Variants in GATA6 observed in about 807,000 individuals in gnomAD.
GATA6 encodes the protein GATA binding protein 6, also known as transcription factor GATA-6.
GATA6 carries 11 observed loss-of-function variants against 48.1 expected under a neutral mutation model. That is an observed-to-expected ratio of 0.23 (90% CI 0.14 to 0.38). The LOEUF (loss-of-function observed/expected upper bound fraction) is 0.38. Among genes scored for constraint, GATA6 ranks in the 10% least tolerant of loss-of-function variants. GATA6 has a pLI of 1.00. For missense variants in GATA6, 795 were observed against 850.3 expected (o/e 0.93, Z 0.81); for synonymous variants, 419 against 396.1 (o/e 1.06, Z -0.69).
intron 2 of GATA6, among the ~76,000 whole-genome samples, chr18:22,175,235 C>T (rs1462782000): frequency 2.6e-5 from 4 of 152,060 alleles, no homozygotes; most frequent in African/African-American, 7.3e-5. Flanking sequence ...TTTTATTCAA[C>T]TAAAAATAAG....
rs1185811196 is a variant in GATA6, at chr18:22,202,007, G to A, written c.*1184G>A. ...ACAGTGAGTTCCTTCCCTTTTCAAA[G>A]CTTTCTTTTTATGCTGTATGTGACT... On this transcript the variant is annotated 3_prime_UTR_variant, in exon 7 of 7. Transcript: ENST00000269216. 1.3e-5 allele frequency: 2 copies of A among 152,062 alleles called. No individual in the cohort carries two copies. The highest frequency in any genetic ancestry group is 2.9e-5 in the Non-Finnish European group (2 of 68,012). The allele number at this position is 152,062 out of a possible 1,614,324, so 9.4% of individuals were successfully genotyped here. A position where few individuals can be genotyped will look rare whatever the true frequency, so the allele number is the denominator to read the frequency against.
rs926010142 is a variant in GATA6 at position 22,185,939 on chromosome 18, G to C, written c.1620+2896G>C. Among the ~76,000 whole-genome samples the C allele has an allele frequency of 1.3e-5, 2 of 152,296 alleles. No individual in the cohort carries two copies. Among genetic ancestry groups the C allele is most frequent in the South Asian group, 4.1e-4 (2 of 4,820 alleles). The stretch of plus-strand genomic sequence containing the variant: ...GTAGAAGCATTTCTAAAAGGTGCCT[G>C]TGTTGACAAAGGTGTGTCATTTTCC... On this transcript the variant is annotated intron_variant, in intron 6 of 6. Coordinates refer to ENST00000269216, the MANE Select transcript of GATA6 (RefSeq NM_005257.6). The surrounding 1 kb of genome is among the most constrained non-coding windows in gnomAD (Gnocchi z 4.3).
At chr18:22,188,239 GTAAAACAAAGTGCCACATCTGGAATTGTT>G (rs1231382696) in intron 6 of GATA6, among the ~76,000 whole-genome samples, 2 of 152,184 alleles carry the variant, frequency 1.3e-5, no homozygotes, top group African/African-American at 4.8e-5. Context: ...TTCCATTTGA[GTAAAACAAAGTGCCACATCTGGAATTGTT>G]TAAAACATGG....
Position 22,171,324 on chromosome 18 carries a change from C to T in GATA6, c.180C>T (p.Cys60=). Residue 60 remains cysteine, a synonymous_variant, in exon 2 of 7, where the codon TGC becomes TGT. Transcript: ENST00000269216. This position sits in a 1 kb window ranked among gnomAD's most constrained non-coding sequence, Gnocchi z 7.1. The part of the protein sequence containing the change: ...GERGPGGASN[C]GTPQLDTEAA... Reference sequence around the variant, plus strand: ...GGGGCCCCGGCGGCGCCAGCAACTGCGGGACGCCTCAGCTCGACACGGAGG... The same window carrying T: ...GGGGCCCCGGCGGCGCCAGCAACTGTGGGACGCCTCAGCTCGACACGGAGG... The T allele has an allele frequency of 1.3e-6, 2 of 1,587,778 alleles. No individual in the cohort carries two copies. Among genetic ancestry groups the T allele is most frequent in the Non-Finnish European group, 1.7e-6 (2 of 1,173,938 alleles).
chr18:22,198,119 C>G (rs1313036658), intron 6 of GATA6, among the ~76,000 whole-genome samples: 1 of 150,656 alleles, frequency 6.6e-6, no homozygotes, highest in Non-Finnish European at 1.5e-5. Context: ...GGGTCTTGCT[C>G]TGTCCCTTAG....
Position 22,183,050 on chromosome 18 carries a change from A to G in GATA6, c.1620+7A>G, listed in dbSNP as rs3764962. On this transcript the variant is annotated splice_region_variant and intron_variant, in intron 6 of 6. Transcript: ENST00000269216. ...ACAACCTACAGCCTCAGGGGTAAGT[A>G]TTAAAACAGCATAGACTCCTAAATT... The G allele has an allele frequency of 0.048, 76,851 of 1,597,168 alleles. 16,033 individuals carry two copies. The African/African-American group carries it at 0.63, about 13-fold the overall frequency.
chr18:22,197,372 A>G (rs2033404342), intron 6 of GATA6, among the ~76,000 whole-genome samples: 1 of 152,128 alleles, frequency 6.6e-6, no homozygotes, highest in South Asian at 2.1e-4. Context: ...AATTCTTGCA[A>G]TAATCTTATG....
At chr18:22,178,907 G>A (rs1039064153) in intron 3 of GATA6, among the ~76,000 whole-genome samples, 1 of 152,182 alleles carries the variant, frequency 6.6e-6, no homozygotes, top group Non-Finnish European at 1.5e-5. Context: ...ATTGAGCTGA[G>A]TACTAACTGA....
rs753682981 is a variant in GATA6 at position 22,171,662 on chromosome 18, C to T, written c.518C>T (p.Ala173Val). 3 of 1,522,314 alleles carry T rather than the reference C, an allele frequency of 2.0e-6. No homozygotes were observed. Among genetic ancestry groups the T allele is most frequent in the South Asian group, 1.2e-5 (1 of 82,550 alleles). 94.3% of individuals were successfully genotyped at this position (1,522,314 alleles called of 1,614,324 possible). Reference protein sequence around the residue: ...DGAPGGFVHSAAAAAAAAAAA... With the variant: ...DGAPGGFVHSVAAAAAAAAAA... The stretch of plus-strand genomic sequence containing the variant: ...GCGCCCGGCGGCTTCGTGCACTCTG[C>T]GGCCGCGGCGGCAGCAGCCGCGGCG... Residue 173 changes from alanine to valine, a missense_variant, in exon 2 of 7, where the codon GCG (alanine) becomes GTG (valine). Around this residue, in one of 5 missense-constraint regions of GATA6, gnomAD observed 591 missense variants for 570.0 expected, o/e 1.04. Coordinates refer to ENST00000269216, the MANE Select transcript of GATA6 (RefSeq NM_005257.6). The surrounding 1 kb of genome is among the most constrained non-coding windows in gnomAD (Gnocchi z 7.1).
chr18:22,175,472 T>C (rs2033109908), intron 2 of GATA6: 3 of 152,168 alleles, frequency 2.0e-5, no homozygotes, highest in Non-Finnish European at 4.4e-5. Flanking sequence ...AAATACCTTG[T>C]TTAACTTCAG....
chr18:22,182,872 G>C (rs1208713913), intron 5 of GATA6, 28 bp downstream of exon 5: 4 of 1,604,046 alleles, frequency 2.5e-6, no homozygotes, highest in Non-Finnish European at 3.4e-6. Context: ...ACGTTTGACT[G>C]TAAAGTATTT....
At position 22,172,854 on chromosome 18, in the gene GATA6, G is replaced by T. The variant is rs1309137511; in HGVS notation, c.1135+575G>T. Among the ~76,000 whole-genome samples the T allele has an allele frequency of 6.6e-6, 1 of 152,218 alleles. No individual in the cohort carries two copies. Among genetic ancestry groups the T allele is most frequent in the African/African-American group, 2.4e-5 (1 of 41,462 alleles). On this transcript the variant is annotated intron_variant, in intron 2 of 6. Coordinates refer to ENST00000269216, the MANE Select transcript of GATA6 (RefSeq NM_005257.6). The surrounding 1 kb of genome is among the most constrained non-coding windows in gnomAD (Gnocchi z 5.2). ...TAGATGTTCCTAGGGAAGCTAGTTG[G>T]CGTCTCCTCTCCCACAAGGGAGAGA... is the stretch of plus-strand genomic sequence containing the variant.
intron 2 of GATA6, among the ~76,000 whole-genome samples, chr18:22,175,122 T>C (rs1187795689): frequency 6.6e-6 from 1 of 152,180 alleles, no homozygotes; most frequent in Non-Finnish European, 1.5e-5. Context: ...TTTTATATCT[T>C]ACAGCTTTTA....
In GATA6 at chr18:22,171,544, G is replaced by A. The variant is rs775539340; in HGVS notation, c.400G>A (p.Ala134Thr). The A allele has an allele frequency of 1.2e-5, 20 of 1,603,888 alleles. No individual in the cohort carries two copies. In the Admixed American group the frequency reaches 2.2e-4, roughly 17 times the overall value. The part of the protein sequence containing the change: ...ASKLLWSSRG[A>T]KLSPFAPEQP... ...CAAGCTGCTGTGGTCCAGCCGCGGC[G>A]CCAAGCTGAGCCCCTTCGCACCCGA... The change falls in exon 2 of 7, where the codon GCC becomes ACC. Residue 134 changes from alanine (A) to threonine (T), a missense_variant. This residue lies in a region of GATA6 where 591 missense variants were observed against 570.0 expected (regional missense o/e 1.04). Coordinates refer to ENST00000269216, the MANE Select transcript of GATA6 (RefSeq NM_005257.6). The surrounding 1 kb of genome is among the most constrained non-coding windows in gnomAD (Gnocchi z 7.1).
At chr18:22,187,545 CT>C (rs991526472) in intron 6 of GATA6, among the ~76,000 whole-genome samples, 9 of 151,566 alleles carry the variant, frequency 5.9e-5, no homozygotes, top group Non-Finnish European at 1.3e-4. Context: ...ATACTAAAAT[CT>C]TTTTTTTCTT....
At position 22,171,135 on chromosome 18, in the gene GATA6, C is replaced by T; in HGVS notation, c.-10C>T. The T allele has an allele frequency of 6.3e-7, 1 of 1,599,342 alleles. No homozygotes were observed. Among genetic ancestry groups the T allele is most frequent in the South Asian group, 1.1e-5 (1 of 90,804 alleles). Reference sequence around the variant, plus strand: ...GCTAGACGTCAGCTTGGAGCGGCGCCGGACCGTGGATGGCCTTGACTGACG... The same window carrying T: ...GCTAGACGTCAGCTTGGAGCGGCGCTGGACCGTGGATGGCCTTGACTGACG... On this transcript the variant is annotated 5_prime_UTR_variant, in exon 2 of 7. Coordinates refer to ENST00000269216, the MANE Select transcript of GATA6 (RefSeq NM_005257.6). This position sits in a 1 kb window ranked among gnomAD's most constrained non-coding sequence, Gnocchi z 7.1.
intron 6 of GATA6, among the ~76,000 whole-genome samples, chr18:22,197,559 C>T (rs929747835): frequency 3.9e-5 from 6 of 152,198 alleles, no homozygotes; most frequent in African/African-American, 1.4e-4. Context: ...TCTTCATCCG[C>T]CCTGCCTCCC....
chr18:22,201,888 G>T lies in GATA6; in HGVS notation c.*1065G>T, dbSNP rs906891704. 4 of 152,406 alleles carry T rather than the reference G, an allele frequency of 2.6e-5. No homozygotes were observed. Among genetic ancestry groups the T allele is most frequent in the Admixed American group, 2.6e-4 (4 of 15,260 alleles). 9.4% of individuals were successfully genotyped at this position (152,406 alleles called of 1,614,324 possible). ...GTGTGACTAACCCACAGGCAGGTTG[G>T]TTTACATTAATTTTTTTTTTTGAAT... On this transcript the variant is annotated 3_prime_UTR_variant, in exon 7 of 7. Transcript: ENST00000269216.
At chr18:22,195,002 C>T (rs1192582763) in intron 6 of GATA6, among the ~76,000 whole-genome samples, 3 of 152,048 alleles carry the variant, frequency 2.0e-5, no homozygotes, top group South Asian at 4.2e-4. Context: ...CCTAACTCTA[C>T]TAAAAATACA....
Sources: gnomAD v4.1 joint callset for allele counts (sites outside exome capture counted in the v4.1 genomes callset) on GRCh38, gnomAD v4.1.1 for gene constraint, gnomAD v4.1.1 regional missense constraint, Gnocchi (gnomAD v3.1) non-coding constraint, MANE v1.5 for transcripts, NCBI Gene and HGNC (gene_info 2026-07-23, HGNC 2026-07-21) for gene names.